FGF12: variants seen among roughly 807,000 people sequenced by gnomAD.
The protein encoded by FGF12 is fibroblast growth factor 12, also known as fibroblast growth factor 12B.
Under a neutral mutation model 23.6 loss-of-function variants are expected in FGF12, and 14 were observed. The observed-to-expected ratio is 0.59, with a 90% confidence interval of 0.39 to 0.93. The LOEUF is 0.93. Ranked by LOEUF, FGF12 falls within the 40% of genes least tolerant of loss-of-function variation. FGF12 has a pLI of 0.00. For missense variants in FGF12, 175 were observed against 217.8 expected, an observed-to-expected ratio of 0.80 and a Z score of 1.24; for synonymous variants, 62 against 77.3, an observed-to-expected ratio of 0.80 and a Z score of 1.04.
intron 2 of FGF12, among the ~76,000 whole-genome samples, chr3:192,489,797 A>C (rs904201214): frequency 6.6e-6 from 1 of 152,034 alleles, no homozygotes; most frequent in African/African-American, 2.4e-5. Flanking sequence ...CTAGACACAG[A>C]GACGGGAATG....
intron 2 of FGF12, among the ~76,000 whole-genome samples, chr3:192,703,536 G>C (rs1172177252): frequency 6.6e-6 from 1 of 152,138 alleles, no homozygotes; most frequent in Non-Finnish European, 1.5e-5. Flanking sequence ...TTGTCACATC[G>C]ATTGACTCTC....
chr3:192,520,275 T>C (rs73056308), intron 2 of FGF12, among the ~76,000 whole-genome samples: 2,840 of 152,294 alleles, frequency 0.019, 78 homozygotes, highest in African/African-American at 0.064. Flanking sequence ...CCTAAGTCAA[T>C]ACCACCAGGT....
At chr3:192,456,624 A>C (rs1722690121) in intron 2 of FGF12, among the ~76,000 whole-genome samples, 1 of 152,198 alleles carries the variant, frequency 6.6e-6, no homozygotes, top group Non-Finnish European at 1.5e-5. Context: ...TTTAAAAATA[A>C]TTTAAAAGTT....
intron 3 of FGF12, among the ~76,000 whole-genome samples, chr3:192,347,404 T>G (rs578038655): frequency 6.6e-6 from 1 of 152,206 alleles, no homozygotes; most frequent in Non-Finnish European, 1.5e-5. Flanking sequence ...TTTTGAGAAG[T>G]GCTGTGTGCT....
chr3:192,165,818 C>G (rs770030472), intron 5 of FGF12, among the ~76,000 whole-genome samples: 1 of 152,170 alleles, frequency 6.6e-6, no homozygotes, highest in Non-Finnish European at 1.5e-5. Flanking sequence ...CAACATAGTA[C>G]AGAGGTTACG....
chr3:192,187,306 AGT>A (rs1365309716), intron 4 of FGF12, among the ~76,000 whole-genome samples: 2 of 152,198 alleles, frequency 1.3e-5, no homozygotes, highest in Non-Finnish European at 2.9e-5. Flanking sequence ...AAATTTATAT[AGT>A]ATATCTTATA....
chr3:192,717,734 A>C (rs1045016965), intron 2 of FGF12, among the ~76,000 whole-genome samples: 1 of 152,224 alleles, frequency 6.6e-6, no homozygotes, highest in Non-Finnish European at 1.5e-5. Context: ...CCAATGACCA[A>C]ATTTTACATT....
chr3:192,649,791 C>A (rs970363840), intron 2 of FGF12, among the ~76,000 whole-genome samples: 1 of 151,878 alleles, frequency 6.6e-6, no homozygotes, highest in Non-Finnish European at 1.5e-5. Context: ...AAACCCCTGA[C>A]CTCAAGTGAT....
chr3:192,386,508 C>A (rs1164214112), intron 2 of FGF12, among the ~76,000 whole-genome samples: 1 of 152,042 alleles, frequency 6.6e-6, no homozygotes, highest in South Asian at 2.1e-4. Context: ...CAAATTCCAT[C>A]AAAAATTACT....
rs997337602 is a variant in FGF12 at position 192,408,909 on chromosome 3, G to A, written c.14-48371C>T. The stretch of plus-strand genomic sequence containing the variant: ...CTACAGAATGCATCGCGCCGGCTGC[G>A]GCTTTCCAGGGGCCGGCCACCCGAG... On this transcript the variant is annotated intron_variant, in intron 2 of 5. Coordinates refer to ENST00000445105, the MANE Select transcript of FGF12 (RefSeq NM_004113.6). This position sits in a 1 kb window ranked among gnomAD's most constrained non-coding sequence, Gnocchi z 7.3. The A allele has an allele frequency of 1.0e-6, 1 of 985,336 alleles. No individual in the cohort carries two copies. The highest frequency in any genetic ancestry group is 1.2e-6 in the Non-Finnish European group (1 of 829,956). 61.0% of individuals were successfully genotyped at this position (985,336 alleles called of 1,614,324 possible). A position where few individuals can be genotyped will look rare whatever the true frequency, so the allele number is the denominator to read the frequency against.
intron 5 of FGF12, among the ~76,000 whole-genome samples, chr3:192,156,546 G>A (rs919950274): frequency 1.3e-4 from 20 of 152,252 alleles, no homozygotes; most frequent in African/African-American, 4.3e-4. Context: ...TGCAAGGCCT[G>A]CAAGATAAAT....
At chr3:192,616,421 CACA>C (rs976386347) in intron 2 of FGF12, among the ~76,000 whole-genome samples, 2 of 151,974 alleles carry the variant, frequency 1.3e-5, no homozygotes, top group East Asian at 3.9e-4. Context: ...CCTCAGCCAT[CACA>C]ACATTTCTTA....
chr3:192,365,449 C>A (rs2366656), intron 2 of FGF12, among the ~76,000 whole-genome samples: 1 of 151,790 alleles, frequency 6.6e-6, no homozygotes, highest in African/African-American at 2.4e-5. Flanking sequence ...TTTAGTTAAA[C>A]ATACTGTAAT....
At position 192,360,537 on chromosome 3, in the gene FGF12, T is replaced by C; in HGVS notation, c.15A>G (p.Glu5=). MESK[E]PQLKGIVTRL... ...TTGTCACAATCCCTTTGAGCTGGGG[T>C]TCTGCAAAACAAAATAATTATTCAA... The change falls in exon 3 of 6, where the codon GAA becomes GAG. Residue 5 remains glutamate, a splice_region_variant and synonymous_variant. Coordinates refer to ENST00000445105, the MANE Select transcript of FGF12 (RefSeq NM_004113.6). This position sits in a 1 kb window ranked among gnomAD's most constrained non-coding sequence, Gnocchi z 4.3. 6 of 1,610,718 alleles carry C rather than the reference T, an allele frequency of 3.7e-6. No homozygotes were observed. Among genetic ancestry groups the C allele is most frequent in the Non-Finnish European group, 5.1e-6 (6 of 1,177,022 alleles).
intron 2 of FGF12, among the ~76,000 whole-genome samples, chr3:192,720,223 G>T (rs1425897548): frequency 2.0e-5 from 3 of 152,232 alleles, no homozygotes; most frequent in African/African-American, 7.2e-5. Context: ...GTAGTTTAAA[G>T]TCCCACTTTC....
In FGF12 at chr3:192,486,383, A is replaced by G. The variant is rs564530986; in HGVS notation, c.14-125845T>C. 5.3e-5 allele frequency among the ~76,000 whole-genome samples: 8 copies of G among 152,152 alleles called. No individual in the cohort carries two copies. The South Asian group carries it at 1.7e-3, about 32-fold the overall frequency. On this transcript the variant is annotated intron_variant, in intron 2 of 5. Coordinates refer to ENST00000445105, the MANE Select transcript of FGF12 (RefSeq NM_004113.6). ...AGAGTAACTGGGAGGACCAGTTGGT[A>G]TTAAATAATCATCCGTGGGAGCCTC...
chr3:192,407,440 G>A (rs1395439430), intron 2 of FGF12, among the ~76,000 whole-genome samples: 1 of 152,148 alleles, frequency 6.6e-6, no homozygotes, highest in African/African-American at 2.4e-5. Context: ...AAGAGCATGA[G>A]GGAAAAATGA....
intron 2 of FGF12, among the ~76,000 whole-genome samples, chr3:192,379,937 G>A (rs893179995): frequency 3.9e-5 from 6 of 152,220 alleles, no homozygotes; most frequent in South Asian, 4.1e-4. Context: ...ATTGACTTAC[G>A]ATTTTATTAT....
chr3:192,420,332 T>C (rs1721485702), intron 2 of FGF12, among the ~76,000 whole-genome samples: 1 of 150,638 alleles, frequency 6.6e-6, no homozygotes, highest in African/African-American at 2.5e-5. Context: ...GTCATGGTTA[T>C]TTCCCACGAG....
Sources: allele counts gnomAD v4.1 joint callset (sites outside exome capture counted in the v4.1 genomes callset), GRCh38; gene constraint gnomAD v4.1.1; non-coding constraint Gnocchi (gnomAD v3.1); transcripts MANE v1.5; gene names NCBI Gene and HGNC (gene_info 2026-07-23, HGNC 2026-07-21).